Variants in DUSP22 observed in about 807,000 individuals in gnomAD.
The protein encoded by DUSP22 is dual specificity protein phosphatase 22.
Under a neutral mutation model 24.5 loss-of-function variants are expected in DUSP22, and 24 were observed. The observed-to-expected ratio is 0.98, with a 90% confidence interval of 0.71 to 1.38. The LOEUF is 1.38. Ranked by LOEUF, DUSP22 falls within the 40% of genes most tolerant of loss-of-function variation. The pLI, the probability that DUSP22 is intolerant of heterozygous loss-of-function variation, is 0.00. For synonymous variants in DUSP22, 160 were observed against 106.4 expected (o/e 1.50, Z -3.10); for missense variants, 330 against 269.2 (o/e 1.23, Z -1.58).
chr6:342,097 G>T lies in DUSP22; in HGVS notation c.189-3757G>T, dbSNP rs576577316. On this transcript the variant is annotated intron_variant, in intron 4 of 6. Coordinates refer to ENST00000419235, the MANE Select transcript of DUSP22 (RefSeq NM_001286555.3). ...TGTCATCTTTACAAGACCTTGGTGA[G>T]GTTCGTACAACTGAATGTGACCCCA... is the stretch of plus-strand genomic sequence containing the variant. Among the ~76,000 whole-genome samples, 513 of 152,266 alleles carry T rather than the reference G, an allele frequency of 3.4e-3. 1 individual carries two copies. Among genetic ancestry groups the T allele is most frequent in the Admixed American group, 0.029 (444 of 15,182 alleles).
intron 6 of DUSP22, chr6:348,536 TACC>T (rs1223142870): frequency 1.2e-6 from 1 of 852,986 alleles, no homozygotes; most frequent in African/African-American, 1.7e-5. Flanking sequence ...TTGGGTGACG[TACC>T]ATTTCCTTGG....
intron 6 of DUSP22, 137 bp from the exon 7 acceptor site, chr6:348,632 G>T: frequency 6.9e-7 from 1 of 1,445,566 alleles, no homozygotes; most frequent in Non-Finnish European, 9.5e-7. Context: ...CAACCACAGA[G>T]CTCTGATTTC....
chr6:322,637 C>T (rs796091790), intron 3 of DUSP22, among the ~76,000 whole-genome samples: 7 of 152,298 alleles, frequency 4.6e-5, no homozygotes, highest in African/African-American at 1.4e-4. Context: ...AGAAGACAGG[C>T]TTAGGTTGGT....
chr6:340,326 C>G (rs945784064), intron 4 of DUSP22, among the ~76,000 whole-genome samples: 3 of 152,304 alleles, frequency 2.0e-5, no homozygotes, highest in South Asian at 2.1e-4. Context: ...GAGGAACATT[C>G]TTCCCACTTA....
rs1760136338 is a variant in DUSP22, at chr6:350,340, A to C, written c.*1389A>C. The stretch of plus-strand genomic sequence containing the variant: ...CATCCTGGGACGCTGTACGCAATTC[A>C]GTGGTCTAGTCCTTTATACCGACTC... On this transcript the variant is annotated 3_prime_UTR_variant, in exon 7 of 7. Coordinates refer to ENST00000419235, the MANE Select transcript of DUSP22 (RefSeq NM_001286555.3). The C allele has an allele frequency of 9.8e-7, 1 of 1,017,492 alleles. No individual in the cohort carries two copies. The highest frequency in any genetic ancestry group is 1.2e-6 in the Non-Finnish European group (1 of 850,042). 63.0% of individuals were successfully genotyped at this position (1,017,492 alleles called of 1,614,324 possible).
At chr6:342,764 C>G (rs964266719) in intron 4 of DUSP22, among the ~76,000 whole-genome samples, 2 of 151,540 alleles carry the variant, frequency 1.3e-5, no homozygotes, top group Non-Finnish European at 2.9e-5. Flanking sequence ...TCACTTTCCT[C>G]TCTTCGGGAA....
chr6:322,984 T>C (rs907749913), intron 3 of DUSP22, among the ~76,000 whole-genome samples: 28 of 152,290 alleles, frequency 1.8e-4, no homozygotes, highest in Non-Finnish European at 3.1e-4. Flanking sequence ...TACCAAAGAC[T>C]GGTTTAAGCA....
rs533023106 is a variant in DUSP22 at position 348,098 on chromosome 6, C to G, written c.264-5C>G. On this transcript the variant is annotated splice_region_variant and splice_polypyrimidine_tract_variant and intron_variant, in intron 5 of 6. Transcript: ENST00000419235. ...CTCACACATGTGCTTCTCTTGGCCC[C>G]GCAGCCTGGCCGGGGTCTCCAGGAG... is the stretch of plus-strand genomic sequence containing the variant. 1 of 1,614,046 alleles carries G rather than the reference C, an allele frequency of 6.2e-7. No individual in the cohort carries two copies. The highest frequency in any genetic ancestry group is 8.5e-7 in the Non-Finnish European group (1 of 1,179,920).
rs1019599790 is a variant in DUSP22, at chr6:350,172, T to G, written c.*1221T>G. On this transcript the variant is annotated 3_prime_UTR_variant, in exon 7 of 7. Transcript: ENST00000419235. ...ACAGTTGAAAATGTTCGGTCATGAT[T>G]GCTTTTGAAACCAAAGGGGAAGGTA... The G allele has an allele frequency of 4.1e-6, 4 of 986,216 alleles. No homozygotes were observed. In the Admixed American group the frequency reaches 1.8e-4, roughly 45 times the overall value. 61.1% of individuals were successfully genotyped at this position (986,216 alleles called of 1,614,324 possible). A position where few individuals can be genotyped will look rare whatever the true frequency, so the allele number is the denominator to read the frequency against.
At position 351,170 on chromosome 6, in the gene DUSP22, G is replaced by T; in HGVS notation, c.*2219G>T. 1 of 457,678 alleles carries T rather than the reference G, an allele frequency of 2.2e-6. No individual in the cohort carries two copies. Among genetic ancestry groups the T allele is most frequent in the Non-Finnish European group, 3.9e-6 (1 of 254,976 alleles). 28.4% of individuals were successfully genotyped at this position (457,678 alleles called of 1,614,324 possible). A position where few individuals can be genotyped will look rare whatever the true frequency, so the allele number is the denominator to read the frequency against. ...GGCTTGGCGCTCGTGATTGCTTCCT[G>T]TGAACGCCTCCCAAGGACGAGCCCA... is the stretch of plus-strand genomic sequence containing the variant. On this transcript the variant is annotated 3_prime_UTR_variant, in exon 7 of 7. Coordinates refer to ENST00000419235, the MANE Select transcript of DUSP22 (RefSeq NM_001286555.3).
chr6:335,722 C>T (rs993779356), intron 4 of DUSP22, among the ~76,000 whole-genome samples: 4 of 152,306 alleles, frequency 2.6e-5, no homozygotes, highest in Non-Finnish European at 5.9e-5. Context: ...TCTGGGGGCT[C>T]TGGCGTGCTG....
At chr6:303,396 G>A (rs1036376749) in intron 1 of DUSP22, among the ~76,000 whole-genome samples, 1 of 152,310 alleles carries the variant, frequency 6.6e-6, no homozygotes, top group Admixed American at 6.5e-5. Context: ...TCTGGGCCTA[G>A]CACTGCCGCC....
intron 4 of DUSP22, among the ~76,000 whole-genome samples, chr6:336,837 G>T (rs1759381075): frequency 6.6e-6 from 1 of 152,306 alleles, no homozygotes; most frequent in Non-Finnish European, 1.5e-5. Context: ...AGAAGTGGTT[G>T]GAAGGCATGG....
intron 1 of DUSP22, among the ~76,000 whole-genome samples, chr6:298,279 T>G (rs959316566): frequency 1.5e-4 from 23 of 152,300 alleles, no homozygotes; most frequent in African/African-American, 5.5e-4. Context: ...TTAAAATGTC[T>G]CTGTGACATT....
intron 2 of DUSP22, among the ~76,000 whole-genome samples, chr6:305,950 G>A (rs1427294190): frequency 1.3e-5 from 2 of 152,306 alleles, no homozygotes; most frequent in Admixed American, 1.3e-4. Context: ...GCTCTATAAT[G>A]TCTGTTTCCA....
chr6:323,503 C>A (rs1390453776), intron 3 of DUSP22, among the ~76,000 whole-genome samples: 1 of 152,304 alleles, frequency 6.6e-6, no homozygotes, highest in South Asian at 2.1e-4. Flanking sequence ...CTCTTGAGGT[C>A]CAACTTTTTG....
rs1393959794 is a variant in DUSP22 at position 303,205 on chromosome 6, G to C, written c.22-1423G>C. On this transcript the variant is annotated intron_variant, in intron 1 of 6. Transcript: ENST00000419235. ...AGTCAAGCATTGCCAGAGAACATCAGTGGGATCCACATCCAGGACGAACTT... is the reference window on the plus strand; with the variant it reads ...AGTCAAGCATTGCCAGAGAACATCACTGGGATCCACATCCAGGACGAACTT... Among the ~76,000 whole-genome samples, 8 of 152,428 alleles carry C rather than the reference G, an allele frequency of 5.2e-5. No homozygotes were observed. The South Asian group carries it at 1.4e-3, about 28-fold the overall frequency.
chr6:327,711 G>C (rs374063794), intron 3 of DUSP22, among the ~76,000 whole-genome samples: 83 of 152,388 alleles, frequency 5.4e-4, no homozygotes, highest in Middle Eastern at 3.4e-3. Flanking sequence ...GTGAGGGAAG[G>C]CTCCACAGAG....
intron 1 of DUSP22, among the ~76,000 whole-genome samples, chr6:296,736 G>C (rs1010379344): frequency 1.3e-5 from 2 of 152,310 alleles, no homozygotes; most frequent in African/African-American, 2.4e-5. Context: ...AGAGAAGGCT[G>C]CCCCAAATGC....
Sources: gnomAD v4.1 joint callset for allele counts (sites outside exome capture counted in the v4.1 genomes callset) on GRCh38, gnomAD v4.1.1 for gene constraint, MANE v1.5 for transcripts, NCBI Gene and HGNC (gene_info 2026-07-23, HGNC 2026-07-21) for gene names.